USP25: variants seen among roughly 807,000 people sequenced by gnomAD.
The protein encoded by USP25 is ubiquitin specific peptidase 25, also known as ubiquitin carboxyl-terminal hydrolase 25.
Under a neutral mutation model 158.5 loss-of-function variants are expected in USP25, and 85 were observed. The observed-to-expected ratio is 0.54, with a 90% CI of 0.45 to 0.64. The LOEUF (loss-of-function observed/expected upper bound fraction) is 0.64, where lower values mean the gene tolerates loss of function less well. Among genes scored for constraint, USP25 ranks in the 30% least tolerant of loss-of-function variants. USP25 has a pLI of 0.00. For synonymous variants in USP25, 464 were observed against 460.4 expected, an observed-to-expected ratio of 1.01 and a Z score of -0.10; for missense variants, 1,242 against 1,327.3, an observed-to-expected ratio of 0.94 and a Z score of 1.00.
At chr21:15,801,865 T>C (rs1426989231) in intron 6 of USP25, among the ~76,000 whole-genome samples, 1 of 151,612 alleles carries the variant, frequency 6.6e-6, no homozygotes, top group African/African-American at 2.4e-5. Context: ...GAAAGAAATC[T>C]AGTATTTGAA....
intron 1 of USP25, among the ~76,000 whole-genome samples, chr21:15,757,748 C>G (rs1276224178): frequency 3.9e-5 from 6 of 152,144 alleles, no homozygotes; most frequent in Non-Finnish European, 5.9e-5. Context: ...TGCATGCTGG[C>G]TGCTAACATG....
rs1359136097 is a variant in USP25, at chr21:15,878,393, C to G, written c.3296C>G (p.Pro1099Arg). The G allele has an allele frequency of 3.7e-6, 6 of 1,613,918 alleles. No homozygotes were observed. The highest frequency in any genetic ancestry group is 2.2e-5 in the East Asian group (1 of 44,888). Residue 1099 changes from proline to arginine, a missense_variant, in exon 26 of 26, where the codon CCT becomes CGT. By Grantham distance (103) the Pro-to-Arg change is moderately radical (BLOSUM62 -2). Coordinates refer to ENST00000400183, the MANE Select transcript of USP25 (RefSeq NM_001283041.3). ...AGTTTCCATGAGCCACCGAAGTTAC[C>G]TTCATATTCCACGCATGAACTCTGT... ...IKSFHEPPKL[P>R]SYSTHELCER... is the part of the protein sequence containing the mutation.
Position 15,810,158 on chromosome 21 carries a change from A to G in USP25, c.858-979A>G, listed in dbSNP as rs147225444. 2.4e-3 allele frequency among the ~76,000 whole-genome samples: 361 copies of G among 152,260 alleles called. 5 individuals carry two copies. Among genetic ancestry groups the G allele is most frequent in the African/African-American group, 8.4e-3 (349 of 41,542 alleles). On this transcript the variant is annotated intron_variant, in intron 8 of 25. Transcript: ENST00000400183. ...ATCACAGTTTTAAGAAGTGAGTAGG[A>G]CAGTGTATCTTACCATGCACCTGAA...
In USP25 at chr21:15,826,506, C is replaced by CATACAGTCTTCTAAG; in HGVS notation, c.1466+141_1466+142insATACAGTCTTCTAAG. 2 of 929,924 alleles carry CATACAGTCTTCTAAG rather than the reference C, an allele frequency of 2.2e-6. No individual in the cohort carries two copies. The highest frequency in any genetic ancestry group is 3.2e-6 in the Non-Finnish European group (2 of 633,302). The allele number at this position is 929,924 out of a possible 1,614,324, so 57.6% of individuals were successfully genotyped here. On this transcript the variant is annotated intron_variant, in intron 13 of 25. Coordinates refer to ENST00000400183, the MANE Select transcript of USP25 (RefSeq NM_001283041.3). This position sits in a 1 kb window ranked among gnomAD's most constrained non-coding sequence, Gnocchi z 4.8. ...CCTAAGAGTAGATTCACTTAGAAGA[C>CATACAGTCTTCTAAG]TGTATGTCCTCTGGGAGTTTTTTTA...
intron 18 of USP25, among the ~76,000 whole-genome samples, chr21:15,846,929 C>G (rs76482816): frequency 3.3e-5 from 5 of 151,210 alleles, no homozygotes; most frequent in Admixed American, 6.6e-5. Flanking sequence ...AATTTGTTAA[C>G]AATAAAAAGA....
chr21:15,854,351 G>A (rs2039035099), intron 20 of USP25, among the ~76,000 whole-genome samples: 1 of 151,920 alleles, frequency 6.6e-6, no homozygotes, highest in African/African-American at 2.4e-5. Flanking sequence ...TCACCATATT[G>A]GCCAGGCTGG....
intron 1 of USP25, among the ~76,000 whole-genome samples, chr21:15,750,411 G>A (rs1343443926): frequency 2.0e-5 from 3 of 147,020 alleles, no homozygotes; most frequent in Admixed American, 6.7e-5. Context: ...TGTATTTTTA[G>A]TAGAGATGGA....
intron 15 of USP25, 116 bp from the exon 16 acceptor site, chr21:15,831,285 T>TAA (rs996446201): frequency 5.7e-5 from 43 of 758,070 alleles, no homozygotes; most frequent in Middle Eastern, 3.8e-4. Flanking sequence ...CTCTCTCATT[T>TAA]AAAAAAAAAA....
At chr21:15,805,621 GT>G (rs1424690094) in intron 7 of USP25, 1 of 157,624 alleles carries the variant, frequency 6.3e-6, no homozygotes, top group African/African-American at 2.4e-5. Flanking sequence ...CCCAGAAATG[GT>G]TTTTGAAAGA....
chr21:15,851,275 TC>T (rs1475093410), intron 20 of USP25, among the ~76,000 whole-genome samples: 1 of 152,132 alleles, frequency 6.6e-6, no homozygotes, highest in East Asian at 1.9e-4. Context: ...ATATAAATAA[TC>T]ACCTAATTGT....
In USP25 at chr21:15,808,792, C is replaced by CT. The variant is rs2036517915; in HGVS notation, c.781-11dup. The stretch of plus-strand genomic sequence containing the variant: ...TTTAGTAGGCTCAAATATCAACAGG[C>CT]TTTTTTCTTTTCACAGCAAGATGTG... On this transcript the variant is annotated splice_polypyrimidine_tract_variant and intron_variant, in intron 7 of 25. Transcript: ENST00000400183. 3 of 1,576,654 alleles carry CT rather than the reference C, an allele frequency of 1.9e-6. No homozygotes were observed. Among genetic ancestry groups the CT allele is most frequent in the Non-Finnish European group, 2.6e-6 (3 of 1,166,528 alleles).
chr21:15,836,474 T>C (rs765135895), intron 17 of USP25, among the ~76,000 whole-genome samples: 5 of 152,186 alleles, frequency 3.3e-5, no homozygotes, highest in Non-Finnish European at 5.9e-5. Flanking sequence ...AATACTTTTG[T>C]TGAGATTTTC....
chr21:15,777,224 T>C (rs1237977147), intron 3 of USP25, among the ~76,000 whole-genome samples: 4 of 152,200 alleles, frequency 2.6e-5, no homozygotes, highest in Admixed American at 2.0e-4. Flanking sequence ...TATATTTCAT[T>C]TTTGTGAAAT....
intron 5 of USP25, among the ~76,000 whole-genome samples, chr21:15,794,276 A>G (rs73185431): frequency 0.011 from 1,643 of 151,756 alleles, 14 homozygotes; most frequent in Non-Finnish European, 0.016. Context: ...TTTGGTAGAA[A>G]GGGGGAACAG....
intron 1 of USP25, among the ~76,000 whole-genome samples, chr21:15,734,068 A>T (rs2031241158): frequency 6.6e-6 from 1 of 152,184 alleles, no homozygotes; most frequent in Non-Finnish European, 1.5e-5. Context: ...ACTTCTTTAG[A>T]TTAGATTGTT....
intron 6 of USP25, among the ~76,000 whole-genome samples, chr21:15,801,388 G>C (rs1366249743): frequency 6.6e-6 from 1 of 151,476 alleles, no homozygotes; most frequent in Admixed American, 6.6e-5. Context: ...CTTGCAATGG[G>C]TTAGCCTCTC....
intron 8 of USP25, 149 bp downstream of exon 8, chr21:15,809,034 C>T (rs1289984961): frequency 1.7e-6 from 1 of 577,566 alleles, no homozygotes; most frequent in Non-Finnish European, 2.8e-6. Flanking sequence ...AATTTGCAGG[C>T]ACAAATAATA....
intron 6 of USP25, among the ~76,000 whole-genome samples, chr21:15,800,952 G>A (rs772599934): frequency 6.6e-6 from 1 of 151,460 alleles, no homozygotes; most frequent in African/African-American, 2.4e-5. Flanking sequence ...TCAAAAGGGA[G>A]TCAGGATCGT....
At chr21:15,743,211 C>A (rs546121369) in intron 1 of USP25, among the ~76,000 whole-genome samples, 1 of 152,222 alleles carries the variant, frequency 6.6e-6, no homozygotes, top group East Asian at 1.9e-4. Flanking sequence ...GGTCGCGGCT[C>A]ATCACTCCCA....
Sources: allele counts gnomAD v4.1 joint callset (sites outside exome capture counted in the v4.1 genomes callset), GRCh38; gene constraint gnomAD v4.1.1; non-coding constraint Gnocchi (gnomAD v3.1); transcripts MANE v1.5; gene names NCBI Gene and HGNC (gene_info 2026-07-23, HGNC 2026-07-21).